RASA1: variants seen among roughly 807,000 people sequenced by gnomAD.
RASA1 encodes the protein RAS p21 protein activator 1.
Under a neutral mutation model 132.2 loss-of-function variants are expected in RASA1, and 25 were observed. The ratio of observed to expected loss-of-function variants is 0.19; its 90% confidence interval spans 0.14 to 0.26. The LOEUF (loss-of-function observed/expected upper bound fraction) is 0.26. Ranked by LOEUF, RASA1 falls within the 10% of genes least tolerant of loss-of-function variation. The probability of loss-of-function intolerance (pLI) is 1.00; values close to 1 mark genes in which losing one functional copy is unlikely to be tolerated. For missense variants in RASA1, 964 were observed against 1,299.2 expected (o/e 0.74, Z 3.97); for synonymous variants, 477 against 449.9 (o/e 1.06, Z -0.76).
At chr5:87,375,842 A>T (rs1761287122) in intron 15 of RASA1, among the ~76,000 whole-genome samples, 1 of 152,208 alleles carries the variant, frequency 6.6e-6, no homozygotes, top group Non-Finnish European at 1.5e-5. Flanking sequence ...TAAAATGTTT[A>T]TTCTGTAGTT....
In RASA1 at chr5:87,330,900, A is replaced by G. The variant is rs79057678; in HGVS notation, c.540-448A>G. The G allele has an allele frequency of 8.7e-3, 11,218 of 1,292,110 alleles. 62 individuals carry two copies. The highest frequency in any genetic ancestry group is 9.9e-3 in the Non-Finnish European group (9,768 of 990,870). 80.0% of individuals were successfully genotyped at this position (1,292,110 alleles called of 1,614,324 possible). A position where few individuals can be genotyped will look rare whatever the true frequency, so the allele number is the denominator to read the frequency against. ...TTCTGTTTTCCTGTCGCAGGGCACA[A>G]ACACTAAAATGGAATAAAACATTTT... is the stretch of plus-strand genomic sequence containing the variant. On this transcript the variant is annotated intron_variant, in intron 1 of 24. Transcript: ENST00000274376.
At chr5:87,388,207 C>T (rs1051879228) in intron 23 of RASA1, among the ~76,000 whole-genome samples, 7 of 152,110 alleles carry the variant, frequency 4.6e-5, no homozygotes, top group Non-Finnish European at 8.8e-5. Context: ...AGTCTTTCAT[C>T]GCTATAAACC....
At chr5:87,355,130 A>C (rs1759555137) in intron 9 of RASA1, among the ~76,000 whole-genome samples, 1 of 152,224 alleles carries the variant, frequency 6.6e-6, no homozygotes, top group Non-Finnish European at 1.5e-5. Context: ...CCAGAAGATA[A>C]CTAGCAAGTT....
At chr5:87,366,373 T>C (rs751800465) in intron 11 of RASA1, 3 of 431,216 alleles carry the variant, frequency 7.0e-6, no homozygotes, top group South Asian at 3.3e-5. Flanking sequence ...TGGAAGTCTG[T>C]TGGCACAATC....
chr5:87,391,065 G>T lies in RASA1; in HGVS notation c.*182G>T. ...AATAACTATGCCAGCAACCTTGTAA[G>T]CTATCTGTGCAGGATATTTGCACTA... On this transcript the variant is annotated 3_prime_UTR_variant, in exon 25 of 25. Transcript: ENST00000274376. The T allele has an allele frequency of 1.5e-6, 1 of 687,468 alleles. No homozygotes were observed. The allele number at this position is 687,468 out of a possible 1,614,324, so 42.6% of individuals were successfully genotyped here.
rs575595883 is a variant in RASA1, at chr5:87,345,851, G to C, written c.1050-821G>C. ...AGAAGATCCCACAAAGTAGTAGATA[G>C]GTGATCGGGAATTGTCAGCCTGGCA... On this transcript the variant is annotated intron_variant, in intron 6 of 24. Coordinates refer to ENST00000274376, the MANE Select transcript of RASA1 (RefSeq NM_002890.3). Among the ~76,000 whole-genome samples, 4 of 152,210 alleles carry C rather than the reference G, an allele frequency of 2.6e-5. 1 individual carries two copies. In the South Asian group the frequency reaches 8.3e-4, roughly 32 times the overall value.
chr5:87,278,369 AC>A (rs1437035812), intron 1 of RASA1, among the ~76,000 whole-genome samples: 5 of 148,692 alleles, frequency 3.4e-5, no homozygotes. Context: ...ACACGGTGAA[AC>A]CCCGTCTCTA....
At chr5:87,378,887 C>T (rs1328530522) in intron 18 of RASA1, among the ~76,000 whole-genome samples, 2 of 152,094 alleles carry the variant, frequency 1.3e-5, no homozygotes, top group Non-Finnish European at 2.9e-5. Context: ...TGTAGCACTT[C>T]ATTACATCTT....
chr5:87,389,255 C>G (rs577979133), intron 23 of RASA1, 138 bp from the exon 24 acceptor site: 1 of 1,067,780 alleles, frequency 9.4e-7, no homozygotes, highest in Non-Finnish European at 1.4e-6. Context: ...CGCTTGAACC[C>G]GGGAGGCGGA....
At chr5:87,340,474 T>C (rs1191866059) in intron 5 of RASA1, among the ~76,000 whole-genome samples, 1 of 152,058 alleles carries the variant, frequency 6.6e-6, no homozygotes, top group Non-Finnish European at 1.5e-5. Context: ...GAGTGTTTGA[T>C]TTTAGTTTGA....
chr5:87,272,672 A>C (rs1392682609), intron 1 of RASA1, among the ~76,000 whole-genome samples: 10 of 152,126 alleles, frequency 6.6e-5, no homozygotes, highest in African/African-American at 4.8e-5. Flanking sequence ...ATTGTCTACT[A>C]ATTCTTTTGG....
At chr5:87,290,352 T>G (rs575556151) in intron 1 of RASA1, among the ~76,000 whole-genome samples, 1 of 152,188 alleles carries the variant, frequency 6.6e-6, no homozygotes, top group African/African-American at 2.4e-5. Flanking sequence ...TAATAAACTT[T>G]ATTTTTTAGA....
intron 20 of RASA1, among the ~76,000 whole-genome samples, chr5:87,381,601 A>G (rs545662995): frequency 5.3e-4 from 81 of 152,314 alleles, no homozygotes; most frequent in Non-Finnish European, 9.0e-4. Context: ...GGGGGCAGGT[A>G]ATATTTCTCT....
At chr5:87,370,432 AAAT>A (rs1366380324) in intron 12 of RASA1, among the ~76,000 whole-genome samples, 1 of 152,202 alleles carries the variant, frequency 6.6e-6, no homozygotes, top group Non-Finnish European at 1.5e-5. Context: ...TTGTGTGAAG[AAAT>A]AATATTTTTT....
chr5:87,374,143 ATATATTT>A lies in RASA1; in HGVS notation c.1777-18_1777-12del. ...TAGAAATCTGGGGTAATATATATATATATATTTTTTTTTTTTTAGGTCAGCAGCCTTG... is the reference window on the plus strand; with the variant it reads ...TAGAAATCTGGGGTAATATATATATATTTTTTTTTTAGGTCAGCAGCCTTG... On this transcript the variant is annotated splice_polypyrimidine_tract_variant and intron_variant, in intron 13 of 24. Transcript: ENST00000274376. 1 of 1,379,642 alleles carries A rather than the reference ATATATTT, an allele frequency of 7.2e-7. No individual in the cohort carries two copies. Among genetic ancestry groups the A allele is most frequent in the Non-Finnish European group, 9.5e-7 (1 of 1,048,916 alleles). The allele number at this position is 1,379,642 out of a possible 1,614,324, so 85.5% of individuals were successfully genotyped here.
intron 1 of RASA1, among the ~76,000 whole-genome samples, chr5:87,306,460 G>A (rs1755616755): frequency 1.3e-5 from 2 of 152,104 alleles, no homozygotes; most frequent in African/African-American, 4.8e-5. Flanking sequence ...GGGCCTAATT[G>A]AGGGTGGAGG....
chr5:87,369,659 CT>C (rs955599038), intron 11 of RASA1, among the ~76,000 whole-genome samples, 153 bp from the exon 12 acceptor site: 25 of 151,552 alleles, frequency 1.6e-4, no homozygotes, highest in African/African-American at 4.4e-4. Context: ...ATATAGCTGA[CT>C]TTTTTTTAGT....
Position 87,383,852 on chromosome 5 carries a change from C to T in RASA1, c.2758+72C>T, listed in dbSNP as rs1390501879. The T allele has an allele frequency of 6.1e-6, 7 of 1,152,552 alleles. No homozygotes were observed. In the East Asian group the frequency reaches 1.3e-4, roughly 21 times the overall value. 71.4% of individuals were successfully genotyped at this position (1,152,552 alleles called of 1,614,324 possible). ...CAGTTTCATACTATTTAAGAATACT[C>T]TTAAATCTTTTTTTTTTTTTTGATC... On this transcript the variant is annotated intron_variant, in intron 21 of 24. Coordinates refer to ENST00000274376, the MANE Select transcript of RASA1 (RefSeq NM_002890.3).
intron 1 of RASA1, among the ~76,000 whole-genome samples, chr5:87,269,504 A>C (rs1260268228): frequency 1.3e-5 from 2 of 152,258 alleles, no homozygotes; most frequent in Admixed American, 6.5e-5. Context: ...ATAGTGATGC[A>C]GAAGAGTCTT....
Sources: allele counts gnomAD v4.1 joint callset (sites outside exome capture counted in the v4.1 genomes callset), GRCh38; gene constraint gnomAD v4.1.1; transcripts MANE v1.5; gene names NCBI Gene and HGNC (gene_info 2026-07-23, HGNC 2026-07-21).